Variants in TERB2 observed in about 807,000 individuals in gnomAD.
The protein encoded by TERB2 is telomere repeats-binding bouquet formation protein 2.
TERB2 carries 26 observed loss-of-function variants against 29.8 expected under a neutral mutation model. That is an observed-to-expected ratio of 0.87 (90% CI 0.64 to 1.21). TERB2 has a LOEUF of 1.21. TERB2 is among the 50% of genes most tolerant of loss of function. The pLI is 0.00. For missense variants in TERB2, 240 were observed against 268.6 expected, an observed-to-expected ratio of 0.89 and a Z score of 0.74; for synonymous variants, 80 against 90.8, an observed-to-expected ratio of 0.88 and a Z score of 0.68.
chr15:44,978,847 A>C lies in TERB2; in HGVS notation c.*219A>C, dbSNP rs1892084164. 1.1e-5 allele frequency: 5 copies of C among 437,516 alleles called. No homozygotes were observed. The highest frequency in any genetic ancestry group is 1.4e-5 in the Non-Finnish European group (4 of 285,510). 27.1% of individuals were successfully genotyped at this position (437,516 alleles called of 1,614,324 possible). On this transcript the variant is annotated 3_prime_UTR_variant, in exon 7 of 7. Transcript: ENST00000340827. ...CAACATGTTCAAATATTCTCAATGC[A>C]CAGTTGTTAATGAGTAATTGCCGTT... is the stretch of plus-strand genomic sequence containing the variant.
Position 44,973,859 on chromosome 15 carries a change from T to C in TERB2, c.435-8T>C, listed in dbSNP as rs1476082740. 6.4e-7 allele frequency: 1 copy of C among 1,572,406 alleles called. No individual in the cohort carries two copies. The highest frequency in any genetic ancestry group is 1.2e-5 in the South Asian group (1 of 84,868). On this transcript the variant is annotated splice_polypyrimidine_tract_variant and splice_region_variant and intron_variant, in intron 5 of 6. Transcript: ENST00000340827. ...TATGTGTGACTTTCTGTATGCTTTATTTTACAGCCCAGAAAAGCATTTTAT... is the reference window on the plus strand; with the variant it reads ...TATGTGTGACTTTCTGTATGCTTTACTTTACAGCCCAGAAAAGCATTTTAT...
chr15:44,978,449 G>T (rs1358322752), intron 6 of TERB2, 40 bp from the exon 7 acceptor site: 2 of 1,530,776 alleles, frequency 1.3e-6, no homozygotes, highest in Non-Finnish European at 8.8e-7. Flanking sequence ...AGTATGAGCG[G>T]GTTTTAAGTA....
In TERB2 at chr15:44,978,744, C is replaced by G; in HGVS notation, c.*116C>G. On this transcript the variant is annotated 3_prime_UTR_variant, in exon 7 of 7. Transcript: ENST00000340827. ...GATAGTGAAATGGGAAATAATTTTT[C>G]TGTTTCTCAAAGTATATCTTTAGGA... The G allele has an allele frequency of 4.0e-6, 5 of 1,259,780 alleles. No individual in the cohort carries two copies. Among genetic ancestry groups the G allele is most frequent in the Non-Finnish European group, 5.1e-6 (5 of 973,976 alleles). 78.0% of individuals were successfully genotyped at this position (1,259,780 alleles called of 1,614,324 possible).
intron 2 of TERB2, among the ~76,000 whole-genome samples, chr15:44,958,166 C>G (rs1328639025): frequency 6.6e-6 from 1 of 152,116 alleles, no homozygotes. Context: ...TTAACCAACC[C>G]TGTAAAGCTG....
chr15:44,961,766 C>T (rs1228730646), intron 4 of TERB2, among the ~76,000 whole-genome samples, 182 bp downstream of exon 4: 1 of 152,226 alleles, frequency 6.6e-6, no homozygotes, highest in Admixed American at 6.5e-5. Context: ...GCAACGCGAT[C>T]TCGGCTCACT....
At chr15:44,959,811 C>T (rs1391821454) in intron 3 of TERB2, among the ~76,000 whole-genome samples, 3 of 152,150 alleles carry the variant, frequency 2.0e-5, no homozygotes, top group Admixed American at 1.3e-4. Flanking sequence ...GATACGTGTT[C>T]ATCTCCAGAA....
intron 6 of TERB2, among the ~76,000 whole-genome samples, chr15:44,978,177 C>T (rs536823451): frequency 6.6e-6 from 1 of 152,278 alleles, no homozygotes; most frequent in South Asian, 2.1e-4. Context: ...AAACACTTCC[C>T]AGTTATTTTT....
rs1003555532 is a variant in TERB2, at chr15:44,979,031, A to G, written c.*403A>G. The G allele has an allele frequency of 7.2e-5, 11 of 152,070 alleles. No homozygotes were observed. 9.4% of individuals were successfully genotyped at this position (152,070 alleles called of 1,614,324 possible). A position where few individuals can be genotyped will look rare whatever the true frequency, so the allele number is the denominator to read the frequency against. On this transcript the variant is annotated 3_prime_UTR_variant, in exon 7 of 7. Coordinates refer to ENST00000340827, the MANE Select transcript of TERB2 (RefSeq NM_152448.3). ...TTTTGGCTTTAACATTCTATTAATT[A>G]TATTTTTTCTAGATTGAATACTGTG...
chr15:44,963,033 A>T (rs559547398), intron 4 of TERB2: 2 of 152,328 alleles, frequency 1.3e-5, no homozygotes, highest in East Asian at 3.9e-4. Flanking sequence ...GAGAAGGAAA[A>T]TTTTCTTTTA....
chr15:44,975,512 TA>T (rs1435486034), intron 6 of TERB2, among the ~76,000 whole-genome samples: 1 of 152,216 alleles, frequency 6.6e-6, no homozygotes, highest in African/African-American at 2.4e-5. Flanking sequence ...TTTCTGAAAA[TA>T]GAATTAATTG....
Position 44,973,916 on chromosome 15 carries a change from T to C in TERB2, c.484T>C (p.Phe162Leu). ...TCCAGTTGTAGAAAAGCAGATGTAC[T>C]TCCCTCTACAGAATTACCCAGTTAA... ...RTPVVEKQMY[F>L]PLQNYPVNNM... Residue 162 changes from phenylalanine (F) to leucine (L), a missense_variant, in exon 6 of 7, where the codon TTC becomes CTC. Transcript: ENST00000340827. 1 of 1,602,282 alleles carries C rather than the reference T, an allele frequency of 6.2e-7. No individual in the cohort carries two copies. Among genetic ancestry groups the C allele is most frequent in the Non-Finnish European group, 8.5e-7 (1 of 1,173,484 alleles).
Position 44,958,426 on chromosome 15 carries a change from A to G in TERB2, c.200A>G (p.Tyr67Cys), listed in dbSNP as rs1010876950. Residue 67 changes from tyrosine to cysteine, a missense_variant, in exon 3 of 7, where the codon TAC becomes TGC. Physicochemically the swap from Tyr to Cys is radical, Grantham distance 194. Transcript: ENST00000340827. ...GATAATGCTACAGTTTTTCATGCCT[A>G]CTATCTCTCTGCGGTAGCTAATGCC... is the stretch of plus-strand genomic sequence containing the variant. ...IEDNATVFHA[Y>C]YLSAVANAKI... 6.2e-7 allele frequency: 1 copy of G among 1,613,948 alleles called. No individual in the cohort carries two copies. The highest frequency in any genetic ancestry group is 1.3e-5 in the African/African-American group (1 of 74,908).
At chr15:44,972,525 T>G (rs1413633218) in intron 5 of TERB2, among the ~76,000 whole-genome samples, 1 of 151,464 alleles carries the variant, frequency 6.6e-6, no homozygotes, top group Non-Finnish European at 1.5e-5. Context: ...AGCTTTTTTT[T>G]TTTTTTTGAG....
At chr15:44,975,897 A>G (rs975612757) in intron 6 of TERB2, among the ~76,000 whole-genome samples, 3 of 152,196 alleles carry the variant, frequency 2.0e-5, no homozygotes, top group African/African-American at 7.2e-5. Context: ...AATAAGAGTA[A>G]GAAAGCAATT....
In TERB2 at chr15:44,978,741, T is replaced by C; in HGVS notation, c.*113T>C. 1 of 1,265,030 alleles carries C rather than the reference T, an allele frequency of 7.9e-7. No individual in the cohort carries two copies. The highest frequency in any genetic ancestry group is 1.0e-6 in the Non-Finnish European group (1 of 978,252). 78.4% of individuals were successfully genotyped at this position (1,265,030 alleles called of 1,614,324 possible). ...GGGGATAGTGAAATGGGAAATAATT[T>C]TTCTGTTTCTCAAAGTATATCTTTA... is the stretch of plus-strand genomic sequence containing the variant. On this transcript the variant is annotated 3_prime_UTR_variant, in exon 7 of 7. Coordinates refer to ENST00000340827, the MANE Select transcript of TERB2 (RefSeq NM_152448.3).
intron 6 of TERB2, among the ~76,000 whole-genome samples, chr15:44,977,009 A>C (rs1892056547): frequency 6.6e-6 from 1 of 152,028 alleles, no homozygotes; most frequent in African/African-American, 2.4e-5. Context: ...TGAGGCTAAT[A>C]CATAGAGAAA....
chr15:44,960,603 A>G (rs1234263894), intron 3 of TERB2, among the ~76,000 whole-genome samples: 5 of 152,098 alleles, frequency 3.3e-5, no homozygotes, highest in African/African-American at 1.2e-4. Context: ...ATTTCAATAT[A>G]TAATCTATAA....
chr15:44,966,898 A>C (rs1437242198), intron 5 of TERB2, among the ~76,000 whole-genome samples: 4 of 152,148 alleles, frequency 2.6e-5, no homozygotes, highest in Non-Finnish European at 4.4e-5. Context: ...TAGGAATTTG[A>C]GACCAGTCTG....
At chr15:44,959,363 G>A (rs1193821457) in intron 3 of TERB2, among the ~76,000 whole-genome samples, 1 of 151,676 alleles carries the variant, frequency 6.6e-6, no homozygotes. Flanking sequence ...ATTTTTTCTG[G>A]GCTAACTTTA....
Sources: allele counts gnomAD v4.1 joint callset (sites outside exome capture counted in the v4.1 genomes callset), GRCh38; gene constraint gnomAD v4.1.1; transcripts MANE v1.5; gene names NCBI Gene and HGNC (gene_info 2026-07-23, HGNC 2026-07-21).